Variants in PRPSAP1 observed in about 807,000 individuals in gnomAD.
The protein encoded by PRPSAP1 is phosphoribosyl pyrophosphate synthetase associated protein 1, also known as phosphoribosyl pyrophosphate synthase-associated protein 1.
PRPSAP1 carries 31 observed loss-of-function variants against 39.4 expected under a neutral mutation model. That is an observed-to-expected ratio of 0.79 (90% confidence interval 0.59 to 1.06). The LOEUF (loss-of-function observed/expected upper bound fraction) is 1.06. PRPSAP1 is among the 50% of genes least tolerant of loss of function. The pLI, the probability that PRPSAP1 is intolerant of heterozygous loss-of-function variation, is 0.00. For synonymous variants in PRPSAP1, 212 were observed against 192.6 expected, an observed-to-expected ratio of 1.10 and a Z score of -0.83; for missense variants, 430 against 511.6, an observed-to-expected ratio of 0.84 and a Z score of 1.54.
At chr17:76,320,947 T>C (rs978147716) in intron 7 of PRPSAP1, among the ~76,000 whole-genome samples, 12 of 151,088 alleles carry the variant, frequency 7.9e-5, no homozygotes, top group Non-Finnish European at 1.5e-4. Context: ...CCTGGCTAAT[T>C]TTTTGTATTT....
At chr17:76,314,228 G>GTATGTATGTATGTA (rs149061354) in intron 7 of PRPSAP1, 1 of 275,108 alleles carries the variant, frequency 3.6e-6, no homozygotes, top group African/African-American at 2.2e-5. Context: ...ATGTATGTAT[G>GTATGTATGTATGTA]TATTTTTTGA....
chr17:76,349,987 A>C (rs1446663537), intron 1 of PRPSAP1, among the ~76,000 whole-genome samples: 1 of 151,482 alleles, frequency 6.6e-6, no homozygotes, highest in Non-Finnish European at 1.5e-5. Flanking sequence ...TTGGGAGCTG[A>C]GGCACGAGAA....
intron 7 of PRPSAP1, chr17:76,314,656 C>G (rs929226810): frequency 6.6e-6 from 1 of 152,444 alleles, no homozygotes; most frequent in Non-Finnish European, 1.5e-5. Context: ...AGGCATGAGC[C>G]ACCGCACCCA....
chr17:76,339,495 T>C (rs1280384378), intron 3 of PRPSAP1, among the ~76,000 whole-genome samples: 1 of 151,852 alleles, frequency 6.6e-6, no homozygotes, highest in African/African-American at 2.4e-5. Flanking sequence ...ACATCCAACC[T>C]GTCTTTTTTC....
intron 7 of PRPSAP1, chr17:76,319,404 T>C (rs2143463801): frequency 6.6e-6 from 1 of 152,310 alleles, no homozygotes; most frequent in African/African-American, 2.4e-5. Flanking sequence ...GGGTTATCAA[T>C]ACTTATTAAT....
intron 2 of PRPSAP1, among the ~76,000 whole-genome samples, chr17:76,347,774 T>C (rs992038510): frequency 6.6e-6 from 1 of 151,614 alleles, no homozygotes; most frequent in Non-Finnish European, 1.5e-5. Flanking sequence ...TTTTGGAAGG[T>C]GTCTAGCAAG....
rs1443034776 is a variant in PRPSAP1 at position 76,340,693 on chromosome 17, C to A, written c.290+3978G>T. 2.6e-5 allele frequency among the ~76,000 whole-genome samples: 4 copies of A among 152,062 alleles called. No homozygotes were observed. In the East Asian group the frequency reaches 5.8e-4, roughly 22 times the overall value. ...ATCACTTGAGGTTGGGAGTTCGAGA[C>A]CAGCCTGACCAACATGGAGAAACCC... On this transcript the variant is annotated intron_variant, in intron 3 of 9. Transcript: ENST00000446526.
At chr17:76,314,838 C>T (rs9904844) in intron 7 of PRPSAP1, 16,532 of 152,216 alleles carry the variant, frequency 0.11, 1,256 homozygotes, top group East Asian at 0.37. Context: ...TCTGCCAACA[C>T]GGAGAAGCTG....
At chr17:76,312,742 G>A (rs1442559329) in intron 9 of PRPSAP1, 128 bp downstream of exon 9, 2 of 1,247,950 alleles carry the variant, frequency 1.6e-6, no homozygotes, top group Non-Finnish European at 2.2e-6. Context: ...CTGTCCCAAC[G>A]AACTGCTAGC....
At chr17:76,327,000 C>T (rs1355761511) in intron 7 of PRPSAP1, among the ~76,000 whole-genome samples, 1 of 151,894 alleles carries the variant, frequency 6.6e-6, no homozygotes, top group Non-Finnish European at 1.5e-5. Flanking sequence ...TGCTGGAAAT[C>T]TGTACTATTC....
rs145580125 is a variant in PRPSAP1 at position 76,341,896 on chromosome 17, G to A, written c.290+2775C>T. Among the ~76,000 whole-genome samples the A allele has an allele frequency of 2.2e-4, 34 of 152,234 alleles. No individual in the cohort carries two copies. In the East Asian group the frequency reaches 5.0e-3, roughly 22 times the overall value. On this transcript the variant is annotated intron_variant, in intron 3 of 9. Transcript: ENST00000446526. ...GGAGCTTGCAGTGAGCCAAGATTGC[G>A]CCACTGCACCCCAGCCTGGGCGACA...
chr17:76,343,336 G>A (rs2071460440), intron 3 of PRPSAP1, among the ~76,000 whole-genome samples: 1 of 152,254 alleles, frequency 6.6e-6, no homozygotes, highest in South Asian at 2.1e-4. Flanking sequence ...CCTGAGGGAA[G>A]CAAGGGCGAC....
At chr17:76,328,656 A>G (rs1435790400) in intron 7 of PRPSAP1, 61 bp downstream of exon 7, 1 of 1,563,086 alleles carries the variant, frequency 6.4e-7, no homozygotes, top group Non-Finnish European at 8.7e-7. Flanking sequence ...AACCAACAAA[A>G]CCAACAAAAA....
At chr17:76,337,648 A>C (rs1435271360) in intron 3 of PRPSAP1, among the ~76,000 whole-genome samples, 3 of 152,112 alleles carry the variant, frequency 2.0e-5, no homozygotes, top group African/African-American at 7.2e-5. Flanking sequence ...CCCAGGCTGG[A>C]AGGCGAGAGT....
At chr17:76,354,169 C>T (rs529462326), upstream of PRPSAP1, 106 of 989,882 alleles carry the variant, frequency 1.1e-4, 1 homozygote, top group South Asian at 3.3e-3. Flanking sequence ...CCAACATGTC[C>T]GCCTCCGAGG....
chr17:76,345,976 T>C (rs1044004789), intron 2 of PRPSAP1: 1 of 472,566 alleles, frequency 2.1e-6, no homozygotes, highest in Non-Finnish European at 4.2e-6. Context: ...AAAAGGCCAC[T>C]GCAAAGAAGG....
intron 7 of PRPSAP1, among the ~76,000 whole-genome samples, chr17:76,319,860 C>A (rs1039155841): frequency 6.6e-6 from 1 of 152,110 alleles, no homozygotes; most frequent in Non-Finnish European, 1.5e-5. Flanking sequence ...GAACACGGGG[C>A]GTGGTTATAG....
intron 5 of PRPSAP1, 39 bp downstream of exon 5, chr17:76,330,512 C>G (rs2071310189): frequency 2.1e-6 from 3 of 1,440,702 alleles, no homozygotes; most frequent in Non-Finnish European, 2.9e-6. Context: ...AATAAGATCT[C>G]TTTTGAGGAC....
rs538337876 is a variant in PRPSAP1 at position 76,325,598 on chromosome 17, A to ATTTTT, written c.781+3114_781+3118dup. 6.6e-4 allele frequency among the ~76,000 whole-genome samples: 79 copies of ATTTTT among 118,970 alleles called. 1 individual carries two copies. The highest frequency in any genetic ancestry group is 2.6e-3 in the African/African-American group (75 of 29,004). The allele number at this position is 118,970 out of a possible 152,430, so 78.0% of individuals were successfully genotyped here. On this transcript the variant is annotated intron_variant, in intron 7 of 9. Coordinates refer to ENST00000446526, the MANE Select transcript of PRPSAP1 (RefSeq NM_002766.3). The stretch of plus-strand genomic sequence containing the variant: ...AAGATGGAGGCTCAGATGACTGCTA[A>ATTTTT]TTTTTTTTTTTTTTTTTTGAGACAG...
Sources: allele counts gnomAD v4.1 joint callset (sites outside exome capture counted in the v4.1 genomes callset), GRCh38; gene constraint gnomAD v4.1.1; transcripts MANE v1.5; gene names NCBI Gene and HGNC (gene_info 2026-07-23, HGNC 2026-07-21).